The following PRKN variants were observed in gnomAD, a reference collection of about 807,000 sequenced individuals.
The protein encoded by PRKN is E3 ubiquitin-protein ligase parkin.
A neutral mutation model predicts 59.5 loss-of-function variants in PRKN; 56 were observed. The observed-to-expected ratio is 0.94, with a 90% CI of 0.76 to 1.18. The LOEUF is 1.18. Among genes scored for constraint, PRKN ranks in the 50% most tolerant of loss-of-function variants. The pLI, the probability that PRKN is intolerant of heterozygous loss-of-function variation, is 0.00. For missense variants in PRKN, 657 were observed against 596.4 expected, an observed-to-expected ratio of 1.10 and a Z score of -1.06; for synonymous variants, 250 against 222.1, an observed-to-expected ratio of 1.13 and a Z score of -1.12.
intron 2 of PRKN, among the ~76,000 whole-genome samples, chr6:162,375,299 C>A (rs1344152998): frequency 1.3e-5 from 2 of 151,940 alleles, no homozygotes; most frequent in East Asian, 3.9e-4. Context: ...TGATGAGTAA[C>A]CAGGGTCTCA....
intron 9 of PRKN, among the ~76,000 whole-genome samples, chr6:161,511,142 G>T (rs1248829912): frequency 2.0e-5 from 3 of 152,186 alleles, no homozygotes; most frequent in Admixed American, 1.3e-4. Context: ...TTACTAGGAA[G>T]AAAAATAAAT....
At chr6:161,638,602 C>T (rs1783615794) in intron 7 of PRKN, among the ~76,000 whole-genome samples, 2 of 152,148 alleles carry the variant, frequency 1.3e-5, no homozygotes, top group African/African-American at 4.8e-5. Context: ...TATGTCCCCA[C>T]TCAAATCTCA....
chr6:162,239,968 T>A (rs946434477), intron 3 of PRKN, among the ~76,000 whole-genome samples: 1 of 152,156 alleles, frequency 6.6e-6, no homozygotes, highest in African/African-American at 2.4e-5. Flanking sequence ...ACAGCATGAG[T>A]ACTACTTCCC....
At chr6:162,713,355 G>A (rs1007703888) in intron 1 of PRKN, among the ~76,000 whole-genome samples, 1 of 151,974 alleles carries the variant, frequency 6.6e-6, no homozygotes, top group African/African-American at 2.4e-5. Flanking sequence ...TTAGCCACGC[G>A]TGCTGGCGGG....
chr6:162,177,788 C>T (rs538326950), intron 4 of PRKN, among the ~76,000 whole-genome samples: 203 of 152,116 alleles, frequency 1.3e-3, no homozygotes, highest in Non-Finnish European at 2.4e-3. Flanking sequence ...ACATTTGAAT[C>T]CAGTGGCAGC....
chr6:161,663,552 G>C (rs541912617), intron 7 of PRKN, among the ~76,000 whole-genome samples: 9 of 152,100 alleles, frequency 5.9e-5, no homozygotes, highest in Non-Finnish European at 1.3e-4. Flanking sequence ...ATAAATCAAG[G>C]ATATAAACAG....
intron 1 of PRKN, among the ~76,000 whole-genome samples, chr6:162,651,143 G>C (rs978550352): frequency 6.6e-6 from 1 of 151,782 alleles, no homozygotes; most frequent in Non-Finnish European, 1.5e-5. Flanking sequence ...TTGTTTGTTT[G>C]TTTAAACTGG....
At chr6:162,383,473 G>A (rs536307202) in intron 2 of PRKN, among the ~76,000 whole-genome samples, 11 of 152,214 alleles carry the variant, frequency 7.2e-5, no homozygotes, top group African/African-American at 2.6e-4. Flanking sequence ...GGCACAGTAA[G>A]GCTCAACAGT....
In PRKN at chr6:161,503,909, A is replaced by G. The variant is rs1399072585; in HGVS notation, c.1083+44945T>C. Among the ~76,000 whole-genome samples the G allele has an allele frequency of 6.6e-6, 1 of 152,154 alleles. No individual in the cohort carries two copies. Among genetic ancestry groups the G allele is most frequent in the Non-Finnish European group, 1.5e-5 (1 of 68,036 alleles). ...GTCCCCTTCAGCCTTGATCATTGAG[A>G]CACCCTAGACAGGGGGAAAGCATTG... On this transcript the variant is annotated intron_variant, in intron 9 of 11. Transcript: ENST00000366898. This position sits in a 1 kb window ranked among gnomAD's most constrained non-coding sequence, Gnocchi z 5.1.
intron 1 of PRKN, among the ~76,000 whole-genome samples, chr6:162,539,647 G>A (rs970200106): frequency 6.6e-6 from 1 of 152,134 alleles, no homozygotes; most frequent in African/African-American, 2.4e-5. Flanking sequence ...TTGAATCGCA[G>A]CTTAATTGTT....
rs1327202453 is a variant in PRKN, at chr6:161,576,984, A to C, written c.872-7568T>G. Among the ~76,000 whole-genome samples the C allele has an allele frequency of 1.3e-5, 2 of 152,240 alleles. No homozygotes were observed. The highest frequency in any genetic ancestry group is 2.9e-5 in the Non-Finnish European group (2 of 68,040). ...GTCGATGCACGCAAATATACTAAGAATATAAAATAATGCCTGCAAATGATA... is the reference window on the plus strand; with the variant it reads ...GTCGATGCACGCAAATATACTAAGACTATAAAATAATGCCTGCAAATGATA... On this transcript the variant is annotated intron_variant, in intron 7 of 11. Coordinates refer to ENST00000366898, the MANE Select transcript of PRKN (RefSeq NM_004562.3). The surrounding 1 kb of genome is among the most constrained non-coding windows in gnomAD (Gnocchi z 4.6).
chr6:161,719,996 G>C (rs950960402), intron 7 of PRKN, among the ~76,000 whole-genome samples: 4 of 152,112 alleles, frequency 2.6e-5, no homozygotes, highest in Admixed American at 2.6e-4. Flanking sequence ...CTCCAGTTTT[G>C]CCTCCCCGTT....
chr6:162,374,295 G>A (rs1420867568), intron 2 of PRKN, among the ~76,000 whole-genome samples: 1 of 152,058 alleles, frequency 6.6e-6, no homozygotes, highest in Non-Finnish European at 1.5e-5. Flanking sequence ...GTGAAAAGAA[G>A]GACTTTAGGT....
In PRKN at chr6:162,492,608, GGC is replaced by G. The variant is rs539616393; in HGVS notation, c.8-49137_8-49136del. 9.4e-4 allele frequency among the ~76,000 whole-genome samples: 143 copies of G among 152,108 alleles called. 1 individual carries two copies. Among genetic ancestry groups the G allele is most frequent in the Non-Finnish European group, 1.7e-3 (113 of 67,952 alleles). On this transcript the variant is annotated intron_variant, in intron 1 of 11. Transcript: ENST00000366898. ...GAGGTCAGGAGGTCCAGACCAGCCT[GGC>G]ATGGCCAACATGGTGAAACCCCCTC...
chr6:161,535,930 T>C (rs1779396424), intron 9 of PRKN, among the ~76,000 whole-genome samples: 1 of 147,568 alleles, frequency 6.8e-6, no homozygotes, highest in Non-Finnish European at 1.5e-5. Flanking sequence ...CCTACTACAA[T>C]CCATTTAGCC....
chr6:162,038,997 A>G (rs1367753790), intron 5 of PRKN, among the ~76,000 whole-genome samples: 1 of 152,166 alleles, frequency 6.6e-6, no homozygotes, highest in Non-Finnish European at 1.5e-5. Flanking sequence ...TACTAAAAAA[A>G]TACAAAAAAT....
Position 161,371,965 on chromosome 6 carries a change from T to A in PRKN, c.1168-11760A>T, listed in dbSNP as rs2114898465. ...AGAAGGGCATTTTTGACAATGATTC[T>A]AACAGTGGTGATTTCTGCTAGGAGT... On this transcript the variant is annotated intron_variant, in intron 10 of 11. Coordinates refer to ENST00000366898, the MANE Select transcript of PRKN (RefSeq NM_004562.3). This position sits in a 1 kb window ranked among gnomAD's most constrained non-coding sequence, Gnocchi z 5.5. 6.6e-6 allele frequency among the ~76,000 whole-genome samples: 1 copy of A among 152,324 alleles called. No individual in the cohort carries two copies. Among genetic ancestry groups the A allele is most frequent in the Middle Eastern group, 3.4e-3 (1 of 294 alleles).
intron 7 of PRKN, among the ~76,000 whole-genome samples, chr6:161,645,330 C>T (rs1783885749): frequency 6.6e-6 from 1 of 151,794 alleles, no homozygotes; most frequent in Non-Finnish European, 1.5e-5. Flanking sequence ...TACCATTCAA[C>T]TTGTCAACCA....
At position 161,822,673 on chromosome 6, in the gene PRKN, C is replaced by CA. The variant is rs527779952; in HGVS notation, c.735-36766dup. Among the ~76,000 whole-genome samples the CA allele has an allele frequency of 3.0e-3, 445 of 146,030 alleles. 16 individuals are homozygous for CA. In the South Asian group the frequency reaches 0.072, roughly 24 times the overall value. On this transcript the variant is annotated intron_variant, in intron 6 of 11. Coordinates refer to ENST00000366898, the MANE Select transcript of PRKN (RefSeq NM_004562.3). ...TCTGGGCAACAGAGTGAAACGCTGT[C>CA]AAAAAAAAAAGACAAATGTTTTGGA... is the stretch of plus-strand genomic sequence containing the variant.
Sources: gnomAD v4.1 joint callset for allele counts (sites outside exome capture counted in the v4.1 genomes callset) on GRCh38, gnomAD v4.1.1 for gene constraint, Gnocchi (gnomAD v3.1) non-coding constraint, MANE v1.5 for transcripts, NCBI Gene and HGNC (gene_info 2026-07-23, HGNC 2026-07-21) for gene names.